The following DENND5B variants were observed in gnomAD, a reference collection of about 807,000 sequenced individuals.
The protein encoded by DENND5B is DENN domain containing 5B.
Under a neutral mutation model 140.6 loss-of-function variants are expected in DENND5B, and 34 were observed. The ratio of observed to expected loss-of-function variants is 0.24; its 90% CI spans 0.18 to 0.32. The LOEUF is 0.32. Among genes scored for constraint, DENND5B ranks in the 10% least tolerant of loss-of-function variants. DENND5B has a pLI of 1.00. For missense variants in DENND5B, 1,142 were observed against 1,560.2 expected (o/e 0.73, Z 4.52); for synonymous variants, 551 against 562.1 (o/e 0.98, Z 0.28).
At chr12:31,495,995 C>T (rs1324653438) in intron 1 of DENND5B, 76 bp from the exon 2 acceptor site, 7 of 986,830 alleles carry the variant, frequency 7.1e-6, no homozygotes, top group Admixed American at 5.4e-5. Flanking sequence ...ATTTTATAGT[C>T]CTACTACTGA....
intron 4 of DENND5B, among the ~76,000 whole-genome samples, chr12:31,455,555 T>C (rs968352269): frequency 3.3e-5 from 5 of 152,204 alleles, no homozygotes; most frequent in Non-Finnish European, 5.9e-5. Context: ...TTCTGATAAG[T>C]TGCTTCTCAC....
At chr12:31,566,051 G>A (rs1245041192) in intron 1 of DENND5B, among the ~76,000 whole-genome samples, 1 of 152,084 alleles carries the variant, frequency 6.6e-6, no homozygotes, top group Non-Finnish European at 1.5e-5. Context: ...AGACTAGGGT[G>A]GAAGGATCGC....
intron 1 of DENND5B, among the ~76,000 whole-genome samples, chr12:31,547,440 C>A (rs1948900140): frequency 6.6e-6 from 1 of 152,116 alleles, no homozygotes; most frequent in Non-Finnish European, 1.5e-5. Flanking sequence ...TCTCGGTCAC[C>A]CAGGCTGGAG....
At chr12:31,422,682 C>A (rs1359098768) in intron 11 of DENND5B, among the ~76,000 whole-genome samples, 1 of 152,146 alleles carries the variant, frequency 6.6e-6, no homozygotes, top group African/African-American at 2.4e-5. Flanking sequence ...GCAATTTTAT[C>A]TCAATTAGCT....
At chr12:31,438,698 CTGGG>C (rs1243434743) in intron 7 of DENND5B, among the ~76,000 whole-genome samples, 1 of 152,144 alleles carries the variant, frequency 6.6e-6, no homozygotes, top group Admixed American at 6.5e-5. Context: ...GTACAAAGAC[CTGGG>C]TGTAGATCTT....
chr12:31,578,975 T>C (rs1950115822), intron 1 of DENND5B, among the ~76,000 whole-genome samples: 1 of 152,256 alleles, frequency 6.6e-6, no homozygotes, highest in Non-Finnish European at 1.5e-5. Context: ...AAATGTTAGC[T>C]ATTTTCATAG....
chr12:31,451,472 C>A (rs532033784), intron 5 of DENND5B, among the ~76,000 whole-genome samples: 1 of 151,954 alleles, frequency 6.6e-6, no homozygotes, highest in Non-Finnish European at 1.5e-5. Context: ...TACAGGTGTG[C>A]GCCACCACGC....
intron 1 of DENND5B, among the ~76,000 whole-genome samples, chr12:31,526,315 G>C (rs1231835963): frequency 6.6e-6 from 1 of 152,076 alleles, no homozygotes; most frequent in South Asian, 2.1e-4. Context: ...GTTAGGCTAG[G>C]ATTCACCTCT....
intron 3 of DENND5B, among the ~76,000 whole-genome samples, chr12:31,478,977 T>C (rs1407872482): frequency 6.6e-6 from 1 of 151,650 alleles, no homozygotes; most frequent in African/African-American, 2.4e-5. Context: ...AACTTCCTTC[T>C]GAGATTAAAA....
intron 11 of DENND5B, among the ~76,000 whole-genome samples, chr12:31,421,666 C>CA (rs1292674552): frequency 1.3e-5 from 2 of 152,272 alleles, no homozygotes; most frequent in African/African-American, 2.4e-5. Context: ...TCTCCTGACT[C>CA]AGTCTCCTGA....
At chr12:31,590,418 G>A in intron 1 of DENND5B, 1 of 223,074 alleles carries the variant, frequency 4.5e-6, no homozygotes, top group East Asian at 8.8e-5. Flanking sequence ...CAAGCGAAGG[G>A]GCCGGCGCGC....
At position 31,423,691 on chromosome 12, in the gene DENND5B, G is replaced by A. The variant is rs780856295; in HGVS notation, c.2392-16C>T. On this transcript the variant is annotated splice_polypyrimidine_tract_variant and intron_variant, in intron 10 of 20. Transcript: ENST00000389082. ...CCGACTTCCCCTGAAAGTACAAGAT[G>A]TGTAAAAATTTCATAAGAAATAATT... is the stretch of plus-strand genomic sequence containing the variant. The A allele has an allele frequency of 6.2e-7, 1 of 1,607,600 alleles. No homozygotes were observed. Among genetic ancestry groups the A allele is most frequent in the African/African-American group, 1.3e-5 (1 of 74,720 alleles).
chr12:31,478,347 A>T (rs1272369444), intron 3 of DENND5B, among the ~76,000 whole-genome samples: 1 of 152,214 alleles, frequency 6.6e-6, no homozygotes, highest in Non-Finnish European at 1.5e-5. Context: ...AAGTGGTAAA[A>T]TAAGCTTGAC....
chr12:31,536,128 A>AC (rs1948485132), intron 1 of DENND5B, among the ~76,000 whole-genome samples: 1 of 152,086 alleles, frequency 6.6e-6, no homozygotes, highest in South Asian at 2.1e-4. Flanking sequence ...TTCCTGAGGC[A>AC]CCCCCAGAAG....
intron 1 of DENND5B, among the ~76,000 whole-genome samples, chr12:31,511,920 C>CT (rs1565652266): frequency 8.1e-5 from 6 of 73,748 alleles, no homozygotes; most frequent in African/African-American, 1.6e-4. Flanking sequence ...CCTCCACTGC[C>CT]CTTTTTTTTT....
intron 2 of DENND5B, among the ~76,000 whole-genome samples, chr12:31,495,389 C>CTTTTTTCTTT (rs1946720270): frequency 7.3e-6 from 1 of 136,206 alleles, no homozygotes; most frequent in Non-Finnish European, 1.5e-5. Context: ...CTTTTTTTTT[C>CTTTTTTCTTT]TTTTTTTGAG....
At position 31,518,518 on chromosome 12, in the gene DENND5B, T is replaced by C. The variant is rs77032768; in HGVS notation, c.128-22599A>G. On this transcript the variant is annotated intron_variant, in intron 1 of 20. Coordinates refer to ENST00000389082, the MANE Select transcript of DENND5B (RefSeq NM_144973.4). ...GCATGAGGCACATACTCAATAAAAA[T>C]GGGCCAACAGACTTTTCTACATGTA... Among the ~76,000 whole-genome samples the C allele has an allele frequency of 3.3e-3, 495 of 152,040 alleles. 4 individuals carry two copies. Among genetic ancestry groups the C allele is most frequent in the Middle Eastern group, 0.014 (4 of 290 alleles).
At chr12:31,433,450 A>G (rs531809305) in intron 7 of DENND5B, among the ~76,000 whole-genome samples, 2 of 152,314 alleles carry the variant, frequency 1.3e-5, no homozygotes, top group African/African-American at 4.8e-5. Context: ...ATCTTTCCAG[A>G]TATGTGCTGT....
chr12:31,469,587 G>T (rs1451238840), intron 3 of DENND5B, among the ~76,000 whole-genome samples: 1 of 152,110 alleles, frequency 6.6e-6, no homozygotes, highest in Non-Finnish European at 1.5e-5. Flanking sequence ...AGGGGTTGGG[G>T]GATGGTGTTG....
Sources: allele counts gnomAD v4.1 joint callset (sites outside exome capture counted in the v4.1 genomes callset), GRCh38; gene constraint gnomAD v4.1.1; transcripts MANE v1.5; gene names NCBI Gene and HGNC (gene_info 2026-07-23, HGNC 2026-07-21).